The following NIPAL2 variants were observed in gnomAD, a reference collection of about 807,000 sequenced individuals.
NIPAL2 encodes the protein NIPA like domain containing 2.
In NIPAL2, 43 loss-of-function variants were observed where a neutral mutation model predicts 48.9. That is an observed-to-expected ratio of 0.88 (90% CI 0.69 to 1.13). The LOEUF (loss-of-function observed/expected upper bound fraction) is 1.13, where lower values mean the gene tolerates loss of function less well. Ranked by LOEUF, NIPAL2 falls within the 50% of genes most tolerant of loss-of-function variation. The pLI, the probability that NIPAL2 is intolerant of heterozygous loss-of-function variation, is 0.00. For missense variants in NIPAL2, 446 were observed against 461.4 expected, an observed-to-expected ratio of 0.97 and a Z score of 0.31; for synonymous variants, 167 against 174.6, an observed-to-expected ratio of 0.96 and a Z score of 0.34.
At chr8:98,227,496 C>G (rs1299031480) in intron 4 of NIPAL2, among the ~76,000 whole-genome samples, 1 of 152,124 alleles carries the variant, frequency 6.6e-6, no homozygotes, top group Non-Finnish European at 1.5e-5. Context: ...CTAGGTCCTT[C>G]CCTTCAAGGC....
chr8:98,211,733 A>AGAGTGT (rs1554562908), intron 6 of NIPAL2, among the ~76,000 whole-genome samples: 43 of 109,142 alleles, frequency 3.9e-4, no homozygotes, highest in Non-Finnish European at 4.9e-4. Context: ...AGAGAGAGAA[A>AGAGTGT]GTGTGTGTGT....
rs138960598 is a variant in NIPAL2 at position 98,222,478 on chromosome 8, C to G, written c.558+1G>C. On this transcript the variant is annotated splice_donor_variant, in intron 5 of 10. Coordinates refer to ENST00000430223, the MANE Select transcript of NIPAL2 (RefSeq NM_001321635.2). LOFTEE classifies it high-confidence loss of function. Reference sequence around the variant, plus strand: ...GATAGTAAAATATTTAGAATTCTTACCACATAGATCAGGAACTGCCATCCG... The same window carrying G: ...GATAGTAAAATATTTAGAATTCTTAGCACATAGATCAGGAACTGCCATCCG... 1.2e-6 allele frequency: 2 copies of G among 1,612,438 alleles called. No individual in the cohort carries two copies. Among genetic ancestry groups the G allele is most frequent in the Non-Finnish European group, 1.7e-6 (2 of 1,179,578 alleles).
At position 98,212,525 on chromosome 8, in the gene NIPAL2, G is replaced by A. The variant is rs202046596; in HGVS notation, c.559-24C>T. 1.4e-5 allele frequency: 17 copies of A among 1,178,504 alleles called. No homozygotes were observed. In the East Asian group the frequency reaches 4.0e-4, roughly 28 times the overall value. 73.0% of individuals were successfully genotyped at this position (1,178,504 alleles called of 1,614,324 possible). A position where few individuals can be genotyped will look rare whatever the true frequency, so the allele number is the denominator to read the frequency against. On this transcript the variant is annotated intron_variant, in intron 5 of 10. Transcript: ENST00000430223. ...ATCTAGAAATGAAAAAGATGGAAAA[G>A]AGTAAGTTATTCTATGCAAAGTCTT...
chr8:98,250,750 T>C (rs1813545788), intron 3 of NIPAL2, among the ~76,000 whole-genome samples: 1 of 152,162 alleles, frequency 6.6e-6, no homozygotes, highest in Admixed American at 6.5e-5. Flanking sequence ...GTGGACCAGC[T>C]CACAGAGGAC....
At chr8:98,247,123 G>A (rs917535057) in intron 3 of NIPAL2, among the ~76,000 whole-genome samples, 2 of 152,186 alleles carry the variant, frequency 1.3e-5, no homozygotes, top group Non-Finnish European at 2.9e-5. Flanking sequence ...GTGTTCACAA[G>A]CATGAATATT....
At chr8:98,281,796 A>C (rs1399483978) in intron 1 of NIPAL2, among the ~76,000 whole-genome samples, 1 of 152,226 alleles carries the variant, frequency 6.6e-6, no homozygotes, top group African/African-American at 2.4e-5. Context: ...TAGGGACTGT[A>C]CTTGTTTGCT....
intron 1 of NIPAL2, among the ~76,000 whole-genome samples, chr8:98,279,973 A>T (rs1044295634): frequency 2.0e-5 from 3 of 152,242 alleles, no homozygotes; most frequent in African/African-American, 7.2e-5. Context: ...AAATAGCAGC[A>T]TTGATAAGTA....
chr8:98,288,952 C>T (rs1816346745), intron 1 of NIPAL2, among the ~76,000 whole-genome samples: 1 of 152,224 alleles, frequency 6.6e-6, no homozygotes, highest in South Asian at 2.1e-4. Flanking sequence ...CAATCACTTT[C>T]TTGCTTTTCC....
rs1810341825 is a variant in NIPAL2 at position 98,192,470 on chromosome 8, A to G, written c.*508T>C. The G allele has an allele frequency of 6.5e-6, 1 of 152,684 alleles. No homozygotes were observed. Among genetic ancestry groups the G allele is most frequent in the African/African-American group, 2.4e-5 (1 of 41,474 alleles). 9.5% of individuals were successfully genotyped at this position (152,684 alleles called of 1,614,324 possible). A position where few individuals can be genotyped will look rare whatever the true frequency, so the allele number is the denominator to read the frequency against. Reference sequence around the variant, plus strand: ...ACTTTGATAGCATTAGTTTTCAGAAAAGATGACTTGCAATTCTAACTTAGT... The same window carrying G: ...ACTTTGATAGCATTAGTTTTCAGAAGAGATGACTTGCAATTCTAACTTAGT... On this transcript the variant is annotated 3_prime_UTR_variant, in exon 11 of 11. Coordinates refer to ENST00000430223, the MANE Select transcript of NIPAL2 (RefSeq NM_001321635.2).
intron 1 of NIPAL2, among the ~76,000 whole-genome samples, chr8:98,292,511 T>A (rs1430273022): frequency 2.0e-5 from 3 of 152,230 alleles, no homozygotes; most frequent in African/African-American, 7.2e-5. Context: ...ACATCCTTTC[T>A]AACCTGTACA....
At position 98,251,995 on chromosome 8, in the gene NIPAL2, AT is replaced by A. The variant is rs144903377; in HGVS notation, c.376+467del. Among the ~76,000 whole-genome samples the A allele has an allele frequency of 3.2e-3, 489 of 152,316 alleles. 1 individual carries two copies. Among genetic ancestry groups the A allele is most frequent in the African/African-American group, 0.011 (456 of 41,568 alleles). On this transcript the variant is annotated intron_variant, in intron 3 of 10. Transcript: ENST00000430223. ...AAATTTCAAAGTAGATATTTGTGACATTACTGTAAAATTACACATTCTTATA... is the reference window on the plus strand; with the variant it reads ...AAATTTCAAAGTAGATATTTGTGACATACTGTAAAATTACACATTCTTATA...
At chr8:98,197,932 A>G (rs1810621835) in intron 8 of NIPAL2, among the ~76,000 whole-genome samples, 1 of 152,248 alleles carries the variant, frequency 6.6e-6, no homozygotes, top group Non-Finnish European at 1.5e-5. Flanking sequence ...GTTAATGTGC[A>G]TATTTTAGCC....
chr8:98,243,285 G>C (rs1468034289), intron 3 of NIPAL2, among the ~76,000 whole-genome samples: 1 of 152,186 alleles, frequency 6.6e-6, no homozygotes, highest in Non-Finnish European at 1.5e-5. Flanking sequence ...TCAAAATGGA[G>C]ATTCATTCTG....
intron 6 of NIPAL2, 97 bp downstream of exon 6, chr8:98,212,308 T>C (rs1811356511): frequency 8.1e-6 from 5 of 621,064 alleles, no homozygotes; most frequent in South Asian, 2.5e-5. Flanking sequence ...ATATAAACCA[T>C]GAGAAAGGAG....
In NIPAL2 at chr8:98,287,144, AT is replaced by A. The variant is rs1282690742; in HGVS notation, c.135+6858del. 2.6e-5 allele frequency among the ~76,000 whole-genome samples: 4 copies of A among 152,340 alleles called. No individual in the cohort carries two copies. In the East Asian group the frequency reaches 5.8e-4, roughly 22 times the overall value. On this transcript the variant is annotated intron_variant, in intron 1 of 10. Transcript: ENST00000430223. ...GCTAAAATAAATGGCACAAAGTCTT[AT>A]GTTAACACTAAATGAGCTTTCCTAG...
At chr8:98,206,464 C>G (rs1811043330) in intron 6 of NIPAL2, among the ~76,000 whole-genome samples, 1 of 152,066 alleles carries the variant, frequency 6.6e-6, no homozygotes, top group African/African-American at 2.4e-5. Flanking sequence ...CTAGGGCACA[C>G]TTCCAAATTA....
intron 2 of NIPAL2, among the ~76,000 whole-genome samples, chr8:98,253,571 G>A (rs1340101057): frequency 6.6e-6 from 1 of 151,992 alleles, no homozygotes; most frequent in Non-Finnish European, 1.5e-5. Context: ...CTTTCCTCAA[G>A]ACCATTAGTC....
In NIPAL2 at chr8:98,194,803, C is replaced by T; in HGVS notation, c.964G>A (p.Gly322Ser). 1 of 1,563,194 alleles carries T rather than the reference C, an allele frequency of 6.4e-7. No homozygotes were observed. The highest frequency in any genetic ancestry group is 8.6e-7 in the Non-Finnish European group (1 of 1,158,414). ...CGATTTCTTGTGACCAAAAATACAC[C>T]AAGGAATGACAGAAAACACCTGTAA... ...YLFGCFLSFLGVFLVTRNREK... is the reference protein window; with the variant it reads ...YLFGCFLSFLSVFLVTRNREK... The change falls in exon 10 of 11, where the codon GGT becomes AGT. Residue 322 changes from glycine to serine, a missense_variant. Gly to Ser is a moderately conservative substitution (Grantham distance 56). Transcript: ENST00000430223.
intron 4 of NIPAL2, among the ~76,000 whole-genome samples, chr8:98,228,644 G>A (rs1230000309): frequency 7.0e-6 from 1 of 142,744 alleles, no homozygotes; most frequent in Non-Finnish European, 1.6e-5. Flanking sequence ...CATGACAGCA[G>A]ACCCTGGATA....
Sources: gnomAD v4.1 joint callset for allele counts (sites outside exome capture counted in the v4.1 genomes callset) on GRCh38, gnomAD v4.1.1 for gene constraint, MANE v1.5 for transcripts, NCBI Gene and HGNC (gene_info 2026-07-23, HGNC 2026-07-21) for gene names.